Variants in ZBTB7C observed in about 807,000 individuals in gnomAD.
The protein encoded by ZBTB7C is zinc finger and BTB domain containing 7C.
A neutral mutation model predicts 25.7 loss-of-function variants in ZBTB7C; 8 were observed. The ratio of observed to expected loss-of-function variants is 0.31; its 90% CI spans 0.18 to 0.56. The LOEUF is 0.56. Among genes scored for constraint, ZBTB7C ranks in the 20% least tolerant of loss-of-function variants. ZBTB7C has a pLI of 0.91. For synonymous variants in ZBTB7C, 394 were observed against 369.0 expected (o/e 1.07, Z -0.78); for missense variants, 824 against 855.2 (o/e 0.96, Z 0.46).
At chr18:48,182,226 G>A (rs549559880) in intron 3 of ZBTB7C, among the ~76,000 whole-genome samples, 3 of 152,188 alleles carry the variant, frequency 2.0e-5, no homozygotes, top group South Asian at 2.1e-4. Flanking sequence ...ATCTGTCTCC[G>A]GGCTGGAACA....
rs531405691 is a variant in ZBTB7C at position 48,233,844 on chromosome 18, C to T, written c.-78-47849G>A. Among the ~76,000 whole-genome samples, 7 of 152,170 alleles carry T rather than the reference C, an allele frequency of 4.6e-5. No homozygotes were observed. The East Asian group carries it at 5.8e-4, about 13-fold the overall frequency. Reference sequence around the variant, plus strand: ...GCTGCTTGTGGCAAAGCCCAAAGGCCGAGAAATTCTAGAAATGCATTTATG... The same window carrying T: ...GCTGCTTGTGGCAAAGCCCAAAGGCTGAGAAATTCTAGAAATGCATTTATG... On this transcript the variant is annotated intron_variant, in intron 2 of 4. Coordinates refer to ENST00000590800, the MANE Select transcript of ZBTB7C (RefSeq NM_001318841.2).
chr18:48,065,791 C>T (rs1448577044), intron 3 of ZBTB7C, among the ~76,000 whole-genome samples: 1 of 152,202 alleles, frequency 6.6e-6, no homozygotes, highest in Non-Finnish European at 1.5e-5. Flanking sequence ...CTCTACTGTA[C>T]CATACAGTTT....
At chr18:48,037,814 C>T (rs774588780) in intron 4 of ZBTB7C, among the ~76,000 whole-genome samples, 32 of 152,168 alleles carry the variant, frequency 2.1e-4, no homozygotes, top group Non-Finnish European at 1.2e-4. Flanking sequence ...CAGGAGAGGG[C>T]GCTCCAGGCT....
chr18:48,362,933 T>G (rs1027601543), intron 1 of ZBTB7C, among the ~76,000 whole-genome samples: 3 of 152,188 alleles, frequency 2.0e-5, no homozygotes, highest in Admixed American at 6.5e-5. Flanking sequence ...GAGGGCCCAC[T>G]GTCCAGCTGG....
chr18:48,361,652 G>A (rs1244353897), intron 1 of ZBTB7C, among the ~76,000 whole-genome samples: 1 of 152,164 alleles, frequency 6.6e-6, no homozygotes, highest in Non-Finnish European at 1.5e-5. Flanking sequence ...CTCAACCCCA[G>A]GGCACACTGG....
chr18:48,302,108 T>C (rs2045558805), intron 2 of ZBTB7C, among the ~76,000 whole-genome samples: 1 of 152,136 alleles, frequency 6.6e-6, no homozygotes, highest in African/African-American at 2.4e-5. Context: ...TCTGCAGAAT[T>C]CTCCTTCCCT....
intron 3 of ZBTB7C, among the ~76,000 whole-genome samples, chr18:48,177,038 T>A (rs2041702850): frequency 6.6e-6 from 1 of 152,252 alleles, no homozygotes; most frequent in Non-Finnish European, 1.5e-5. Context: ...AGGCCCCCCA[T>A]AGGGTGTGCT....
intron 2 of ZBTB7C, among the ~76,000 whole-genome samples, chr18:48,317,183 G>T (rs1412773862): frequency 6.8e-6 from 1 of 146,388 alleles, no homozygotes; most frequent in South Asian, 2.2e-4. Context: ...TGAGGCAGGG[G>T]AATCACTTGA....
chr18:48,226,336 G>A (rs1303660720), intron 2 of ZBTB7C, among the ~76,000 whole-genome samples: 1 of 152,152 alleles, frequency 6.6e-6, no homozygotes, highest in Non-Finnish European at 1.5e-5. Flanking sequence ...AACCTCAAAT[G>A]GCTAACTTCT....
intron 3 of ZBTB7C, among the ~76,000 whole-genome samples, chr18:48,047,439 GA>G (rs1296281587): frequency 1.4e-5 from 2 of 143,566 alleles, no homozygotes; most frequent in East Asian, 2.0e-4. Context: ...GAAGGAGCTA[GA>G]AAAAAAATAG....
chr18:48,274,846 G>A (rs1366784939), intron 2 of ZBTB7C, among the ~76,000 whole-genome samples: 4 of 152,174 alleles, frequency 2.6e-5, no homozygotes, highest in Non-Finnish European at 5.9e-5. Flanking sequence ...CTCATGTCGG[G>A]GGTGTCTGCT....
intron 3 of ZBTB7C, among the ~76,000 whole-genome samples, chr18:48,080,270 A>T (rs1395587974): frequency 6.6e-6 from 1 of 152,058 alleles, no homozygotes; most frequent in Non-Finnish European, 1.5e-5. Flanking sequence ...CCCATGTGTG[A>T]CTCTGGATAT....
At chr18:48,315,595 C>T (rs2045929310) in intron 2 of ZBTB7C, among the ~76,000 whole-genome samples, 1 of 152,090 alleles carries the variant, frequency 6.6e-6, no homozygotes, top group South Asian at 2.1e-4. Context: ...TCATTTTGGG[C>T]AAAGTGGGAG....
At chr18:48,106,366 G>T (rs2039027747) in intron 3 of ZBTB7C, among the ~76,000 whole-genome samples, 2 of 151,640 alleles carry the variant, frequency 1.3e-5, no homozygotes, top group South Asian at 4.2e-4. Context: ...AAAGAAAAAG[G>T]CAATATTTAA....
Position 48,084,081 on chromosome 18 carries a change from C to T in ZBTB7C, c.-16-42958G>A, listed in dbSNP as rs529244525. Among the ~76,000 whole-genome samples the T allele has an allele frequency of 2.0e-5, 3 of 152,330 alleles. No individual in the cohort carries two copies. The South Asian group carries it at 6.2e-4, about 32-fold the overall frequency. On this transcript the variant is annotated intron_variant, in intron 3 of 4. Coordinates refer to ENST00000590800, the MANE Select transcript of ZBTB7C (RefSeq NM_001318841.2). The stretch of plus-strand genomic sequence containing the variant: ...CTCCTCTGCACCCAGCTTCCTTTTC[C>T]ATTACCCCTGGGTGGGTGTCCCACT...
intron 3 of ZBTB7C, among the ~76,000 whole-genome samples, chr18:48,100,915 G>C (rs1473978700): frequency 1.1e-4 from 3 of 28,218 alleles, no homozygotes; most frequent in Non-Finnish European, 2.6e-4. Flanking sequence ...GGGACTGGTG[G>C]GGGGGCTGGA....
chr18:48,284,695 G>T (rs1015101641), intron 2 of ZBTB7C, among the ~76,000 whole-genome samples: 1 of 150,222 alleles, frequency 6.7e-6, no homozygotes, highest in Non-Finnish European at 1.5e-5. Context: ...GGAGGCTGAG[G>T]CACGAGAATT....
chr18:48,195,598 A>T (rs376495034), intron 2 of ZBTB7C, among the ~76,000 whole-genome samples: 1 of 152,344 alleles, frequency 6.6e-6, no homozygotes, highest in East Asian at 1.9e-4. Flanking sequence ...CTTTATTAGC[A>T]GTGTGAGAAC....
At chr18:48,116,374 G>A (rs1459358467) in intron 3 of ZBTB7C, among the ~76,000 whole-genome samples, 1 of 152,210 alleles carries the variant, frequency 6.6e-6, no homozygotes, top group African/African-American at 2.4e-5. Flanking sequence ...TCAATGAATA[G>A]ATGAATGTAT....
Sources: allele counts gnomAD v4.1 joint callset (sites outside exome capture counted in the v4.1 genomes callset), GRCh38; gene constraint gnomAD v4.1.1; transcripts MANE v1.5; gene names NCBI Gene and HGNC (gene_info 2026-07-23, HGNC 2026-07-21).